MTMR2: variants seen among roughly 807,000 people sequenced by gnomAD.
MTMR2 encodes myotubularin related protein 2, also known as phosphatidylinositol-3,5-bisphosphate 3-phosphatase MTMR2.
MTMR2 carries 55 observed loss-of-function variants against 86.9 expected under a neutral mutation model. The observed-to-expected ratio is 0.63, with a 90% CI of 0.51 to 0.79. MTMR2 has a LOEUF of 0.79. MTMR2 is among the 30% of genes least tolerant of loss of function. MTMR2 has a pLI of 0.00. For missense variants in MTMR2, 659 were observed against 772.3 expected (o/e 0.85, Z 1.74); for synonymous variants, 241 against 266.8 (o/e 0.90, Z 0.94).
chr11:95,872,385 T>G (rs894195669), intron 2 of MTMR2, among the ~76,000 whole-genome samples: 1 of 152,230 alleles, frequency 6.6e-6, no homozygotes, highest in Admixed American at 6.5e-5. Flanking sequence ...TTGAAGCAAC[T>G]GTGAATGGGA....
intron 2 of MTMR2, among the ~76,000 whole-genome samples, chr11:95,885,885 T>G (rs977328010): frequency 2.0e-5 from 3 of 152,156 alleles, no homozygotes; most frequent in Admixed American, 6.5e-5. Flanking sequence ...TGATAGTAAG[T>G]ACTCTTAATA....
At chr11:95,877,332 C>CT (rs764782930) in intron 2 of MTMR2, among the ~76,000 whole-genome samples, 3,983 of 105,430 alleles carry the variant, frequency 0.038, 232 homozygotes, top group Non-Finnish European at 0.055. Context: ...CAGGGAAGCC[C>CT]TTTTTTTTTT....
chr11:95,882,982 G>A (rs527972014), intron 2 of MTMR2, among the ~76,000 whole-genome samples: 10 of 140,176 alleles, frequency 7.1e-5, no homozygotes, highest in East Asian at 6.3e-4. Flanking sequence ...TCCTGACCTC[G>A]TGATCCGCCC....
chr11:95,876,925 A>C (rs889510544), intron 2 of MTMR2, among the ~76,000 whole-genome samples: 1 of 152,200 alleles, frequency 6.6e-6, no homozygotes, highest in African/African-American at 2.4e-5. Context: ...GAAGTTGGCA[A>C]GTTTAAGTCA....
At chr11:95,879,418 G>C (rs776644420) in intron 2 of MTMR2, among the ~76,000 whole-genome samples, 1 of 152,162 alleles carries the variant, frequency 6.6e-6, no homozygotes, top group Non-Finnish European at 1.5e-5. Flanking sequence ...GCAATGTTCA[G>C]ATAGCTTTGT....
rs12274927 is a variant in MTMR2 at position 95,844,761 on chromosome 11, C to G, written c.1386+192G>C. On this transcript the variant is annotated intron_variant, in intron 11 of 14. Coordinates refer to ENST00000346299, the MANE Select transcript of MTMR2 (RefSeq NM_016156.6). ...AGAAAAGACTGGGTCAGACACTTGA[C>G]AAATAGCTAGCTCTGACTCCAGACT... 0.13 allele frequency among the ~76,000 whole-genome samples: 20,499 copies of G among 152,154 alleles called. 3,025 individuals are homozygous for G. Among genetic ancestry groups the G allele is most frequent in the African/African-American group, 0.36 (15,006 of 41,462 alleles).
intron 1 of MTMR2, among the ~76,000 whole-genome samples, chr11:95,902,608 C>G (rs1214467169): frequency 6.6e-6 from 1 of 152,268 alleles, no homozygotes; most frequent in East Asian, 1.9e-4. Context: ...ACTCCCTATT[C>G]CTCTGTTTCT....
Position 95,857,499 on chromosome 11 carries a change from T to C in MTMR2, c.654+53A>G, listed in dbSNP as rs181814782. The C allele has an allele frequency of 7.2e-3, 9,658 of 1,338,588 alleles. 47 individuals are homozygous for C. The highest frequency in any genetic ancestry group is 9.0e-3 in the Non-Finnish European group (8,449 of 934,316). 82.9% of individuals were successfully genotyped at this position (1,338,588 alleles called of 1,614,324 possible). A position where few individuals can be genotyped will look rare whatever the true frequency, so the allele number is the denominator to read the frequency against. The stretch of plus-strand genomic sequence containing the variant: ...CGTACATGGTTCCACCCAGTTTTCT[T>C]TGGAATGAAAAGAATACAAAATACT... On this transcript the variant is annotated intron_variant, in intron 7 of 14. Coordinates refer to ENST00000346299, the MANE Select transcript of MTMR2 (RefSeq NM_016156.6).
chr11:95,848,963 G>A (rs766775797), intron 9 of MTMR2, among the ~76,000 whole-genome samples: 5 of 152,162 alleles, frequency 3.3e-5, no homozygotes, highest in Non-Finnish European at 4.4e-5. Flanking sequence ...ACCTGTCACC[G>A]AAACACATAG....
intron 5 of MTMR2, among the ~76,000 whole-genome samples, chr11:95,860,840 A>C (rs1402213821): frequency 6.6e-6 from 1 of 152,106 alleles, no homozygotes; most frequent in Admixed American, 6.5e-5. Context: ...TACAATATCA[A>C]CTTTTCCACA....
chr11:95,890,064 C>T (rs1234344161), intron 1 of MTMR2, among the ~76,000 whole-genome samples: 3 of 152,082 alleles, frequency 2.0e-5, no homozygotes, highest in Non-Finnish European at 4.4e-5. Flanking sequence ...ATTACTTATA[C>T]AATGTGAAAA....
intron 1 of MTMR2, among the ~76,000 whole-genome samples, chr11:95,912,094 T>C (rs1432389277): frequency 6.6e-6 from 1 of 151,606 alleles, no homozygotes; most frequent in East Asian, 1.9e-4. Flanking sequence ...TGGGTTTTTT[T>C]TTTTTTTTTC....
intron 2 of MTMR2, among the ~76,000 whole-genome samples, chr11:95,865,969 T>C (rs1337554629): frequency 6.6e-6 from 1 of 152,184 alleles, no homozygotes; most frequent in Non-Finnish European, 1.5e-5. Context: ...AAAAGAGGTA[T>C]TATATCCTCA....
intron 5 of MTMR2, among the ~76,000 whole-genome samples, chr11:95,859,504 A>C (rs1864328036): frequency 6.6e-6 from 1 of 152,110 alleles, no homozygotes. Context: ...GAGGTGTTCT[A>C]CTTCTAAAAC....
At chr11:95,889,380 G>A (rs535771082) in intron 1 of MTMR2, among the ~76,000 whole-genome samples, 17 of 152,002 alleles carry the variant, frequency 1.1e-4, no homozygotes, top group East Asian at 3.9e-4. Flanking sequence ...TGATGTGCCC[G>A]CTTCGGCCTC....
intron 12 of MTMR2, chr11:95,840,093 G>A (rs1863478189): frequency 1.3e-5 from 2 of 152,182 alleles, no homozygotes; most frequent in Non-Finnish European, 2.9e-5. Flanking sequence ...AATCAGATGA[G>A]ATGGGTGCAT....
intron 10 of MTMR2, 99 bp downstream of exon 10, chr11:95,847,615 G>T (rs1863845218): frequency 1.8e-6 from 2 of 1,097,380 alleles, no homozygotes; most frequent in South Asian, 1.3e-5. Flanking sequence ...TCATTGTTTA[G>T]AAAGGTACCT....
intron 6 of MTMR2, among the ~76,000 whole-genome samples, chr11:95,857,997 T>G (rs563608080): frequency 4.6e-5 from 7 of 152,174 alleles, no homozygotes; most frequent in African/African-American, 1.7e-4. Context: ...AAGACCAACG[T>G]TGATTCCAAA....
intron 11 of MTMR2, among the ~76,000 whole-genome samples, chr11:95,842,943 A>G (rs1330774466): frequency 2.6e-5 from 4 of 152,150 alleles, no homozygotes; most frequent in Non-Finnish European, 5.9e-5. Context: ...TTTTTTTTTA[A>G]TGGCCTGTGT....
Sources: allele counts gnomAD v4.1 joint callset (sites outside exome capture counted in the v4.1 genomes callset), GRCh38; gene constraint gnomAD v4.1.1; transcripts MANE v1.5; gene names NCBI Gene and HGNC (gene_info 2026-07-23, HGNC 2026-07-21).